CCDC175: variants seen among roughly 807,000 people sequenced by gnomAD.
CCDC175 encodes the protein coiled-coil domain-containing protein 175.
Under a neutral mutation model 114.6 loss-of-function variants are expected in CCDC175, and 100 were observed. The observed-to-expected ratio is 0.87, with a 90% CI of 0.74 to 1.03. The LOEUF (loss-of-function observed/expected upper bound fraction) is 1.03. CCDC175 is among the 50% of genes least tolerant of loss of function. CCDC175 has a pLI of 0.00. For missense variants in CCDC175, 880 were observed against 917.8 expected (o/e 0.96, Z 0.53); for synonymous variants, 306 against 308.7 (o/e 0.99, Z 0.09).
intron 3 of CCDC175, among the ~76,000 whole-genome samples, chr14:59,569,692 T>G (rs1010316089): frequency 2.0e-5 from 3 of 152,208 alleles, no homozygotes; most frequent in African/African-American, 7.2e-5. Context: ...GTATTTTCCC[T>G]GGCAAACTAG....
chr14:59,518,481 A>C (rs1893236016), intron 17 of CCDC175, among the ~76,000 whole-genome samples: 1 of 152,218 alleles, frequency 6.6e-6, no homozygotes, highest in African/African-American at 2.4e-5. Flanking sequence ...ACAAGAAAAA[A>C]ACAAGCCCAT....
intron 4 of CCDC175, among the ~76,000 whole-genome samples, chr14:59,565,699 T>C (rs757164925): frequency 7.3e-5 from 11 of 151,320 alleles, no homozygotes; most frequent in Admixed American, 4.0e-4. Flanking sequence ...AGAGTGAGTC[T>C]CTGTCTGAAA....
rs978242177 is a variant in CCDC175, at chr14:59,565,730, TGAG to T, written c.492-458_492-456del. On this transcript the variant is annotated intron_variant, in intron 4 of 19. Coordinates refer to ENST00000537690, the MANE Select transcript of CCDC175 (RefSeq NM_001164399.2). ...TGAAATTAAAAAAAAAAAATTGAGA[TGAG>T]GACAGAAGGAAACACAAAACAAGCA... is the stretch of plus-strand genomic sequence containing the variant. Among the ~76,000 whole-genome samples the T allele has an allele frequency of 4.0e-5, 6 of 151,056 alleles. No individual in the cohort carries two copies. The East Asian group carries it at 9.7e-4, about 24-fold the overall frequency.
At position 59,565,202 on chromosome 14, in the gene CCDC175, C is replaced by CT; in HGVS notation, c.564dup (p.Ala189SerfsTer9). ...TCATTTATGTAAACAGTGGTGGTGG[C>CT]TTTTTTCTCCATAGTTTGGTTGAGT... is the stretch of plus-strand genomic sequence containing the variant. On this transcript the variant is annotated frameshift_variant, in exon 5 of 20. Transcript: ENST00000537690. LOFTEE classifies it high-confidence loss of function. 1 of 1,537,710 alleles carries CT rather than the reference C, an allele frequency of 6.5e-7. No individual in the cohort carries two copies. Among genetic ancestry groups the CT allele is most frequent in the South Asian group, 1.2e-5 (1 of 84,052 alleles).
rs1566646338 is a variant in CCDC175 at position 59,576,791 on chromosome 14, G to C, written c.-16C>G. 3 of 1,428,892 alleles carry C rather than the reference G, an allele frequency of 2.1e-6. No homozygotes were observed. The highest frequency in any genetic ancestry group is 1.5e-5 in the South Asian group (1 of 68,366). 88.5% of individuals were successfully genotyped at this position (1,428,892 alleles called of 1,614,324 possible). On this transcript the variant is annotated 5_prime_UTR_variant, in exon 1 of 20. Coordinates refer to ENST00000537690, the MANE Select transcript of CCDC175 (RefSeq NM_001164399.2). ...TCAGGGCCATTTTGCCGCTCTACTT[G>C]AGCGCCTCCTAAGCCAGAGCCAAGG... is the stretch of plus-strand genomic sequence containing the variant.
chr14:59,576,771 G>T lies in CCDC175; in HGVS notation c.5C>A (p.Ala2Asp). 7.0e-7 allele frequency: 1 copy of T among 1,438,490 alleles called. No individual in the cohort carries two copies. The highest frequency in any genetic ancestry group is 9.0e-7 in the Non-Finnish European group (1 of 1,107,910). 89.1% of individuals were successfully genotyped at this position (1,438,490 alleles called of 1,614,324 possible). M[A>D]LSPWTPGLGA... ...CAGCCCTGGGGTCCAGGGGCTCAGG[G>T]CCATTTTGCCGCTCTACTTGAGCGC... Residue 2 changes from alanine (A) to aspartate (D), a missense_variant, in exon 1 of 20, where the codon GCC becomes GAC. Ala to Asp is a moderately radical substitution (Grantham distance 126). Transcript: ENST00000537690.
chr14:59,512,550 T>C (rs1308794922), intron 17 of CCDC175, among the ~76,000 whole-genome samples: 12 of 152,180 alleles, frequency 7.9e-5, no homozygotes, highest in South Asian at 2.1e-4. Context: ...GATTTTACTC[T>C]ATCTTTCACT....
intron 13 of CCDC175, among the ~76,000 whole-genome samples, chr14:59,536,851 G>A (rs190980377): frequency 3.9e-5 from 6 of 151,920 alleles, no homozygotes; most frequent in Admixed American, 2.0e-4. Context: ...GTGTGATCTC[G>A]GCTCACTGCA....
At chr14:59,537,978 C>G (rs1566612581) in intron 13 of CCDC175, 45 bp downstream of exon 13, 1 of 1,368,514 alleles carries the variant, frequency 7.3e-7, no homozygotes, top group East Asian at 2.6e-5. Flanking sequence ...CCCTCCCCCT[C>G]ATGTAGTCAT....
At chr14:59,549,331 T>C (rs1313069268) in intron 8 of CCDC175, among the ~76,000 whole-genome samples, 1 of 152,074 alleles carries the variant, frequency 6.6e-6, no homozygotes, top group South Asian at 2.1e-4. Context: ...CGAGGCAACA[T>C]AAAGCGACCT....
intron 19 of CCDC175, 37 bp downstream of exon 19, chr14:59,510,609 A>C: frequency 5.2e-6 from 8 of 1,532,500 alleles, no homozygotes; most frequent in Non-Finnish European, 7.0e-6. Context: ...AAATAGCAGG[A>C]AGTCCCATGT....
intron 17 of CCDC175, among the ~76,000 whole-genome samples, chr14:59,515,645 A>G (rs1893034231): frequency 6.6e-6 from 1 of 152,218 alleles, no homozygotes; most frequent in Admixed American, 6.5e-5. Flanking sequence ...CACCCAATAC[A>G]GGAGCACCCA....
At chr14:59,536,520 T>C (rs988485518) in intron 13 of CCDC175, among the ~76,000 whole-genome samples, 4 of 152,040 alleles carry the variant, frequency 2.6e-5, no homozygotes, top group African/African-American at 9.7e-5. Context: ...TTTAGAAGAA[T>C]GCCAGGCACC....
At chr14:59,554,055 A>G (rs554546883) in intron 7 of CCDC175, among the ~76,000 whole-genome samples, 2 of 152,340 alleles carry the variant, frequency 1.3e-5, no homozygotes, top group African/African-American at 2.4e-5. Flanking sequence ...AGACAGATCA[A>G]TGAGACAGAA....
At chr14:59,547,907 A>C (rs1376268728) in intron 8 of CCDC175, among the ~76,000 whole-genome samples, 2 of 152,212 alleles carry the variant, frequency 1.3e-5, no homozygotes, top group Non-Finnish European at 2.9e-5. Context: ...GTAATGTGTA[A>C]TATTTTATAA....
In CCDC175 at chr14:59,576,526, G is replaced by A. The variant is rs73305697; in HGVS notation, c.157+93C>T. On this transcript the variant is annotated intron_variant, in intron 1 of 19. Coordinates refer to ENST00000537690, the MANE Select transcript of CCDC175 (RefSeq NM_001164399.2). ...CCCTGCCCAGTGATGCCCTGGTTCC[G>A]GGAGGAGAGTCCCCGCTCAGGGTTC... The A allele has an allele frequency of 2.2e-3, 2,681 of 1,215,564 alleles. 50 individuals carry two copies. The African/African-American group carries it at 0.039, about 18-fold the overall frequency. The allele number at this position is 1,215,564 out of a possible 1,614,324, so 75.3% of individuals were successfully genotyped here. A position where few individuals can be genotyped will look rare whatever the true frequency, so the allele number is the denominator to read the frequency against.
chr14:59,574,805 G>T, intron 2 of CCDC175, 138 bp downstream of exon 2: 1 of 517,188 alleles, frequency 1.9e-6, no homozygotes, highest in Non-Finnish European at 3.4e-6. Context: ...ACAAAATTGA[G>T]AGAAAAATAT....
chr14:59,559,698 C>G (rs1896122163), intron 7 of CCDC175, among the ~76,000 whole-genome samples: 1 of 152,036 alleles, frequency 6.6e-6, no homozygotes, highest in Non-Finnish European at 1.5e-5. Context: ...AGAAAGAATA[C>G]AAGGAACTTT....
Position 59,567,109 on chromosome 14 carries a change from T to A in CCDC175, c.491+1136A>T, listed in dbSNP as rs17096402. Among the ~76,000 whole-genome samples, 824 of 152,352 alleles carry A rather than the reference T, an allele frequency of 5.4e-3. 5 individuals carry two copies. The highest frequency in any genetic ancestry group is 0.019 in the African/African-American group (790 of 41,572). ...GAATCACTGGTCTATAGGAATGTGA[T>A]GTTGCTGACCGGTTGATATAAATAT... On this transcript the variant is annotated intron_variant, in intron 4 of 19. Coordinates refer to ENST00000537690, the MANE Select transcript of CCDC175 (RefSeq NM_001164399.2).
Sources: allele counts gnomAD v4.1 joint callset (sites outside exome capture counted in the v4.1 genomes callset), GRCh38; gene constraint gnomAD v4.1.1; transcripts MANE v1.5; gene names NCBI Gene and HGNC (gene_info 2026-07-23, HGNC 2026-07-21).